SIK3: variants seen among roughly 807,000 people sequenced by gnomAD.
The protein encoded by SIK3 is serine/threonine-protein kinase SIK3.
In SIK3, 28 loss-of-function variants were observed where a neutral mutation model predicts 144.2. The ratio of observed to expected loss-of-function variants is 0.19; its 90% confidence interval spans 0.14 to 0.27. The LOEUF is 0.27. Ranked by LOEUF, SIK3 falls within the 10% of genes least tolerant of loss-of-function variation. The pLI, the probability that SIK3 is intolerant of heterozygous loss-of-function variation, is 1.00. For missense variants in SIK3, 1,319 were observed against 1,776.0 expected, an observed-to-expected ratio of 0.74 and a Z score of 4.62; for synonymous variants, 686 against 676.3, an observed-to-expected ratio of 1.01 and a Z score of -0.22.
chr11:117,082,988 T>A (rs181088990), intron 1 of SIK3, among the ~76,000 whole-genome samples: 8 of 152,276 alleles, frequency 5.3e-5, no homozygotes, highest in Admixed American at 1.3e-4. Flanking sequence ...AGAAAACCTA[T>A]TCTTATCCTG....
chr11:117,098,035 A>T, intron 1 of SIK3, 108 bp downstream of exon 1: 1 of 1,152,294 alleles, frequency 8.7e-7, no homozygotes, highest in Non-Finnish European at 1.1e-6. Flanking sequence ...CCGGCCCCCA[A>T]CGCTCCCACC....
At chr11:116,923,858 T>TAAC (rs771029011) in intron 4 of SIK3, among the ~76,000 whole-genome samples, 15 of 152,326 alleles carry the variant, frequency 9.8e-5, no homozygotes, top group East Asian at 7.7e-4. Flanking sequence ...TTTTAACTAT[T>TAAC]AACAACAACA....
At chr11:116,980,646 A>G (rs561872917) in intron 1 of SIK3, among the ~76,000 whole-genome samples, 1 of 152,282 alleles carries the variant, frequency 6.6e-6, no homozygotes, top group Admixed American at 6.5e-5. Context: ...TGAGCTCAGG[A>G]GCTCAAGACC....
At chr11:116,931,222 T>C (rs1186321098) in intron 3 of SIK3, among the ~76,000 whole-genome samples, 1 of 152,198 alleles carries the variant, frequency 6.6e-6, no homozygotes, top group Non-Finnish European at 1.5e-5. Flanking sequence ...GATTTTGAAT[T>C]TTCTAAAGTA....
At chr11:116,881,620 G>C (rs1191519286) in intron 6 of SIK3, among the ~76,000 whole-genome samples, 1 of 151,984 alleles carries the variant, frequency 6.6e-6, no homozygotes, top group African/African-American at 2.4e-5. Context: ...TGGGAGATAA[G>C]TCTTCTCCAT....
intron 1 of SIK3, among the ~76,000 whole-genome samples, chr11:117,092,639 C>T (rs1955298003): frequency 6.6e-6 from 1 of 152,080 alleles, no homozygotes; most frequent in African/African-American, 2.4e-5. Context: ...TGGAACCTGA[C>T]AAAAAATTTT....
chr11:116,990,908 A>G (rs1950478667), intron 1 of SIK3, among the ~76,000 whole-genome samples: 1 of 152,184 alleles, frequency 6.6e-6, no homozygotes, highest in African/African-American at 2.4e-5. Flanking sequence ...TTCTTCTACA[A>G]TGAAAGCTGT....
At chr11:116,886,571 A>T (rs1311272224) in intron 6 of SIK3, among the ~76,000 whole-genome samples, 1 of 152,176 alleles carries the variant, frequency 6.6e-6, no homozygotes, top group African/African-American at 2.4e-5. Context: ...ATTAAGTCAC[A>T]ATGAAGTCTA....
intron 4 of SIK3, among the ~76,000 whole-genome samples, chr11:116,902,799 A>C (rs1201312204): frequency 6.6e-6 from 1 of 152,146 alleles, no homozygotes; most frequent in African/African-American, 2.4e-5. Flanking sequence ...TGCCTACAAG[A>C]CACCTTTTAC....
Position 117,022,907 on chromosome 11 carries a change from A to G in SIK3, c.274-65843T>C, listed in dbSNP as rs1165801674. Among the ~76,000 whole-genome samples, 5 of 152,148 alleles carry G rather than the reference A, an allele frequency of 3.3e-5. No individual in the cohort carries two copies. The East Asian group carries it at 9.6e-4, about 29-fold the overall frequency. ...AAAACCCACTTCCATCTTACCACAC[A>G]GGTTTATTTTGTTCAGAAACAAACG... On this transcript the variant is annotated intron_variant, in intron 1 of 24. Transcript: ENST00000445177.
At chr11:117,075,687 G>A (rs1954484737) in intron 1 of SIK3, among the ~76,000 whole-genome samples, 1 of 150,604 alleles carries the variant, frequency 6.6e-6, no homozygotes, top group African/African-American at 2.4e-5. Flanking sequence ...GACTACAGGT[G>A]CCCGCCACCA....
intron 1 of SIK3, among the ~76,000 whole-genome samples, chr11:116,968,137 T>C (rs1246697713): frequency 6.6e-6 from 1 of 152,188 alleles, no homozygotes; most frequent in African/African-American, 2.4e-5. Flanking sequence ...CTTAAATTTC[T>C]GGGTTTTTTT....
intron 1 of SIK3, among the ~76,000 whole-genome samples, chr11:116,965,722 C>T (rs1275824532): frequency 3.6e-5 from 4 of 112,560 alleles, no homozygotes; most frequent in African/African-American, 3.7e-5. Context: ...GGTGAAAACC[C>T]GTCTCTGCTA....
chr11:116,961,498 C>T (rs183383209), intron 1 of SIK3, among the ~76,000 whole-genome samples: 1 of 152,272 alleles, frequency 6.6e-6, no homozygotes, highest in African/African-American at 2.4e-5. Flanking sequence ...GTGTAAAGTA[C>T]ACACCAGTTG....
chr11:116,996,677 G>C (rs1308221610), intron 1 of SIK3, among the ~76,000 whole-genome samples: 1 of 151,756 alleles, frequency 6.6e-6, no homozygotes, highest in Admixed American at 6.6e-5. Flanking sequence ...AAAATTAGCT[G>C]GGTGTGGTGA....
chr11:117,029,259 G>A (rs1428468963), intron 1 of SIK3, among the ~76,000 whole-genome samples: 1 of 151,654 alleles, frequency 6.6e-6, no homozygotes, highest in Non-Finnish European at 1.5e-5. Flanking sequence ...GAGCTCAGGA[G>A]TTTGAGACTA....
chr11:117,016,821 C>G (rs1227223938), intron 1 of SIK3, among the ~76,000 whole-genome samples: 1 of 152,112 alleles, frequency 6.6e-6, no homozygotes, highest in African/African-American at 2.4e-5. Flanking sequence ...AGGAAATGTT[C>G]TCAGCTGCAA....
intron 6 of SIK3, among the ~76,000 whole-genome samples, 199 bp downstream of exon 6, chr11:116,896,054 C>T (rs1342140945): frequency 6.6e-6 from 1 of 152,160 alleles, no homozygotes; most frequent in East Asian, 1.9e-4. Flanking sequence ...CAGATTCAAA[C>T]CCAAGTAGGG....
At chr11:116,926,224 G>A (rs1947263416) in intron 4 of SIK3, among the ~76,000 whole-genome samples, 1 of 152,150 alleles carries the variant, frequency 6.6e-6, no homozygotes, top group Non-Finnish European at 1.5e-5. Flanking sequence ...GGAGACCGGG[G>A]ATACACGATG....
Sources: allele counts gnomAD v4.1 joint callset (sites outside exome capture counted in the v4.1 genomes callset), GRCh38; gene constraint gnomAD v4.1.1; transcripts MANE v1.5; gene names NCBI Gene and HGNC (gene_info 2026-07-23, HGNC 2026-07-21).